Variants in OGDH observed in about 807,000 individuals in gnomAD.
OGDH encodes the protein oxoglutarate dehydrogenase, also known as 2-oxoglutarate dehydrogenase complex component E1.
A neutral mutation model predicts 116.6 loss-of-function variants in OGDH; 38 were observed. The ratio of observed to expected loss-of-function variants is 0.33; its 90% CI spans 0.25 to 0.43. The LOEUF is 0.43. OGDH is among the 20% of genes least tolerant of loss of function. OGDH has a pLI of 1.00. For missense variants in OGDH, 825 were observed against 1,357.2 expected, an observed-to-expected ratio of 0.61 and a Z score of 6.16; for synonymous variants, 488 against 533.3, an observed-to-expected ratio of 0.92 and a Z score of 1.17.
At chr7:44,668,263 G>A (rs1359277940) in intron 5 of OGDH, among the ~76,000 whole-genome samples, 2 of 151,984 alleles carry the variant, frequency 1.3e-5, no homozygotes, top group Admixed American at 6.6e-5. Flanking sequence ...ATCGTGAAAC[G>A]CCATCTCTAT....
intron 4 of OGDH, among the ~76,000 whole-genome samples, chr7:44,659,719 CTTT>C (rs1786853083): frequency 6.6e-6 from 1 of 152,016 alleles, no homozygotes; most frequent in South Asian, 2.1e-4. Context: ...TTTTAAATTT[CTTT>C]TTCAACTTCA....
At chr7:44,650,542 T>A (rs1786392148) in intron 4 of OGDH, among the ~76,000 whole-genome samples, 1 of 152,304 alleles carries the variant, frequency 6.6e-6, no homozygotes, top group South Asian at 2.1e-4. Flanking sequence ...GTGGGCTTAC[T>A]AGCAATCTTT....
intron 1 of OGDH, among the ~76,000 whole-genome samples, chr7:44,614,304 T>G (rs1480477317): frequency 6.1e-5 from 9 of 147,466 alleles, no homozygotes; most frequent in South Asian, 2.1e-4. Context: ...GTTTTTTTTG[T>G]TTTTTTTGTT....
chr7:44,641,068 ATTT>A (rs779053737), intron 2 of OGDH, among the ~76,000 whole-genome samples: 1 of 131,834 alleles, frequency 7.6e-6, no homozygotes, highest in Non-Finnish European at 1.6e-5. Flanking sequence ...TAATTTTTGT[ATTT>A]TTTTTTTTTT....
intron 4 of OGDH, among the ~76,000 whole-genome samples, chr7:44,654,420 T>G (rs566573713): frequency 1.3e-5 from 2 of 152,326 alleles, no homozygotes; most frequent in African/African-American, 4.8e-5. Context: ...CATGACAAAG[T>G]TTCCACATAT....
chr7:44,687,693 G>T (rs546194643), intron 10 of OGDH, among the ~76,000 whole-genome samples: 8 of 151,978 alleles, frequency 5.3e-5, no homozygotes, highest in Non-Finnish European at 7.4e-5. Flanking sequence ...AAAGTGCTTG[G>T]GATTACAGGC....
At chr7:44,696,831 C>T in intron 14 of OGDH, 83 bp from the exon 15 acceptor site, 1 of 1,472,030 alleles carries the variant, frequency 6.8e-7, no homozygotes, top group Non-Finnish European at 9.1e-7. Context: ...GAAGGCTCCG[C>T]TCTTGCCATG....
chr7:44,700,483 C>T lies in OGDH; in HGVS notation c.2559+214C>T, dbSNP rs1488336745. Among the ~76,000 whole-genome samples the T allele has an allele frequency of 2.6e-5, 4 of 152,238 alleles. No individual in the cohort carries two copies. In the East Asian group the frequency reaches 7.7e-4, roughly 29 times the overall value. Reference sequence around the variant, plus strand: ...CTGTGTGTCCTCTTCCCCGACTGGGCCCCTGCATACTGCTGAGCACCACAT... The same window carrying T: ...CTGTGTGTCCTCTTCCCCGACTGGGTCCCTGCATACTGCTGAGCACCACAT... On this transcript the variant is annotated intron_variant, in intron 19 of 22. Transcript: ENST00000222673.
intron 4 of OGDH, among the ~76,000 whole-genome samples, chr7:44,660,349 G>A (rs1224552304): frequency 2.0e-5 from 3 of 152,028 alleles, no homozygotes; most frequent in Admixed American, 1.3e-4. Flanking sequence ...GGTCATTATT[G>A]TATTCTTTGT....
At position 44,624,294 on chromosome 7, in the gene OGDH, T is replaced by G. The variant is rs1027029942; in HGVS notation, c.-27-23T>G. 7.9e-6 allele frequency: 7 copies of G among 887,376 alleles called. No individual in the cohort carries two copies. In the African/African-American group the frequency reaches 1.3e-4, roughly 16 times the overall value. The allele number at this position is 887,376 out of a possible 1,614,324, so 55.0% of individuals were successfully genotyped here. A position where few individuals can be genotyped will look rare whatever the true frequency, so the allele number is the denominator to read the frequency against. On this transcript the variant is annotated intron_variant, in intron 1 of 22. Coordinates refer to ENST00000222673, the MANE Select transcript of OGDH (RefSeq NM_002541.4). ...ATTTTTAAAACCTTTCTTTCTTGTT[T>G]TTTTTTTTTTTTTTTTGTACAGGCA... is the stretch of plus-strand genomic sequence containing the variant.
intron 2 of OGDH, among the ~76,000 whole-genome samples, chr7:44,630,879 C>T (rs1057385153): frequency 3.3e-5 from 5 of 152,162 alleles, no homozygotes; most frequent in Non-Finnish European, 7.4e-5. Context: ...TCACATCAGG[C>T]ATTAGTTAGA....
At position 44,696,564 on chromosome 7, in the gene OGDH, C is replaced by T. The variant is rs112859149; in HGVS notation, c.1900+7C>T. ...AACTTTACTATTCATGGAGGTAACA[C>T]GCTCTGTGCTGACCTGTGGAAATGT... On this transcript the variant is annotated splice_region_variant and intron_variant, in intron 14 of 22. Transcript: ENST00000222673. 95 of 1,614,030 alleles carry T rather than the reference C, an allele frequency of 5.9e-5. No individual in the cohort carries two copies. The highest frequency in any genetic ancestry group is 3.3e-4 in the Middle Eastern group (2 of 6,084).
chr7:44,665,745 G>T (rs188377194), intron 4 of OGDH, among the ~76,000 whole-genome samples: 1 of 152,256 alleles, frequency 6.6e-6, no homozygotes, highest in East Asian at 1.9e-4. Context: ...CTGATGTAAG[G>T]TATTCAAGCG....
At chr7:44,612,445 A>G (rs978496820) in intron 1 of OGDH, among the ~76,000 whole-genome samples, 2 of 147,072 alleles carry the variant, frequency 1.4e-5, no homozygotes, top group African/African-American at 5.1e-5. Flanking sequence ...TGCAATGGGC[A>G]TGATCTCGGC....
chr7:44,686,046 C>CTTTTTTTTTTTTTTTTTT (rs947000633), intron 10 of OGDH, among the ~76,000 whole-genome samples: 1 of 144,834 alleles, frequency 6.9e-6, no homozygotes, highest in African/African-American at 2.5e-5. Context: ...TTCTTTCTTT[C>CTTTTTTTTTTTTTTTTTT]TTTTTTTTTT....
At chr7:44,612,406 G>A (rs527890098) in intron 1 of OGDH, among the ~76,000 whole-genome samples, 6 of 151,240 alleles carry the variant, frequency 4.0e-5, no homozygotes, top group Admixed American at 1.3e-4. Flanking sequence ...TTCTTGTGAC[G>A]GAGTCTTACT....
chr7:44,706,250 T>C (rs1585408857), intron 20 of OGDH, among the ~76,000 whole-genome samples: 1 of 151,692 alleles, frequency 6.6e-6, no homozygotes, highest in Non-Finnish European at 1.5e-5. Flanking sequence ...TTTCTCTGAT[T>C]GTGTTGAAAG....
intron 10 of OGDH, among the ~76,000 whole-genome samples, chr7:44,684,755 C>CT (rs1788061289): frequency 6.6e-6 from 1 of 150,988 alleles, no homozygotes; most frequent in South Asian, 2.1e-4. Flanking sequence ...ACAGAGATGT[C>CT]TAAAAAAAAC....
chr7:44,686,869 G>C (rs1788152526), intron 10 of OGDH, among the ~76,000 whole-genome samples: 2 of 150,584 alleles, frequency 1.3e-5, no homozygotes, highest in Admixed American at 6.6e-5. Context: ...TGTATTTTCA[G>C]TAAAGACAGA....
Sources: gnomAD v4.1 joint callset for allele counts (sites outside exome capture counted in the v4.1 genomes callset) on GRCh38, gnomAD v4.1.1 for gene constraint, MANE v1.5 for transcripts, NCBI Gene and HGNC (gene_info 2026-07-23, HGNC 2026-07-21) for gene names.